MACROH2A2: variants seen among roughly 807,000 people sequenced by gnomAD.
The protein encoded by MACROH2A2 is core histone macro-H2A.2.
A neutral mutation model predicts 37.6 loss-of-function variants in MACROH2A2; 6 were observed. That is an observed-to-expected ratio of 0.16 (90% CI 0.09 to 0.32). The LOEUF (loss-of-function observed/expected upper bound fraction) is 0.32. Among genes scored for constraint, MACROH2A2 ranks in the 10% least tolerant of loss-of-function variants. MACROH2A2 has a pLI of 1.00. For synonymous variants in MACROH2A2, 192 were observed against 202.7 expected (o/e 0.95, Z 0.45); for missense variants, 290 against 485.9 (o/e 0.60, Z 3.79).
chr10:70,095,997 T>G (rs2072274415), intron 6 of MACROH2A2, among the ~76,000 whole-genome samples: 2 of 152,168 alleles, frequency 1.3e-5, no homozygotes, highest in Non-Finnish European at 2.9e-5. Context: ...GCTTGATGAA[T>G]TTTTCTCAAA....
chr10:70,106,635 A>G lies in MACROH2A2; in HGVS notation c.779-2398A>G, dbSNP rs1455554339. ...AACATGGTGAAACCCCATCTCTACTAAAAATACAAAAAATTAGCCGGGCAT... is the reference window on the plus strand; with the variant it reads ...AACATGGTGAAACCCCATCTCTACTGAAAATACAAAAAATTAGCCGGGCAT... On this transcript the variant is annotated intron_variant, in intron 7 of 8. Coordinates refer to ENST00000373255, the MANE Select transcript of MACROH2A2 (RefSeq NM_018649.3). Among the ~76,000 whole-genome samples the G allele has an allele frequency of 2.0e-5, 3 of 151,974 alleles. No homozygotes were observed. The East Asian group carries it at 5.8e-4, about 29-fold the overall frequency.
intron 2 of MACROH2A2, among the ~76,000 whole-genome samples, chr10:70,077,613 C>T (rs1254204672): frequency 6.6e-6 from 1 of 152,046 alleles, no homozygotes; most frequent in Admixed American, 6.5e-5. Context: ...TGGCTCACGC[C>T]TGTAATCCCA....
At chr10:70,071,502 C>T (rs2072110036) in intron 1 of MACROH2A2, among the ~76,000 whole-genome samples, 1 of 152,152 alleles carries the variant, frequency 6.6e-6, no homozygotes, top group Non-Finnish European at 1.5e-5. Flanking sequence ...ACAGAGAAGG[C>T]CACTGAGGTC....
intron 1 of MACROH2A2, among the ~76,000 whole-genome samples, chr10:70,065,112 C>A (rs1294404873): frequency 6.6e-6 from 1 of 150,978 alleles, no homozygotes; most frequent in Non-Finnish European, 1.5e-5. Flanking sequence ...AGTGGCAGGA[C>A]CTTGGCTCAC....
At chr10:70,109,428 C>T (rs1212655729) in intron 8 of MACROH2A2, among the ~76,000 whole-genome samples, 2 of 152,158 alleles carry the variant, frequency 1.3e-5, no homozygotes, top group Non-Finnish European at 2.9e-5. Context: ...GGGGCCAGCC[C>T]CAGTGCCTCC....
chr10:70,109,597 G>A (rs1041594670), intron 8 of MACROH2A2, among the ~76,000 whole-genome samples: 2 of 152,234 alleles, frequency 1.3e-5, no homozygotes, highest in Non-Finnish European at 2.9e-5. Flanking sequence ...CAGGCTCGAA[G>A]GCCTTGCTAC....
intron 1 of MACROH2A2, among the ~76,000 whole-genome samples, chr10:70,062,834 G>A (rs537092254): frequency 6.6e-6 from 1 of 152,272 alleles, no homozygotes; most frequent in East Asian, 1.9e-4. Flanking sequence ...AACTGTAAGG[G>A]TACAAAGGCA....
chr10:70,085,179 T>C (rs563164083), intron 2 of MACROH2A2, among the ~76,000 whole-genome samples: 2 of 152,154 alleles, frequency 1.3e-5, no homozygotes, highest in South Asian at 4.2e-4. Flanking sequence ...GTAGGAGCCA[T>C]GTGTGGATGG....
Position 70,111,877 on chromosome 10 carries a change from C to T in MACROH2A2, c.*194C>T, listed in dbSNP as rs758710790. ...CCATCTGTAAGGAAGCAGGTCTCCG[C>T]GAGGGGTTTCTTTCCATGTGTTTTC... On this transcript the variant is annotated 3_prime_UTR_variant, in exon 9 of 9. Transcript: ENST00000373255. 6.1e-5 allele frequency: 25 copies of T among 408,390 alleles called. No individual in the cohort carries two copies. The highest frequency in any genetic ancestry group is 6.3e-4 in the Middle Eastern group (1 of 1,596). The allele number at this position is 408,390 out of a possible 1,614,324, so 25.3% of individuals were successfully genotyped here.
chr10:70,083,746 C>T (rs921023361), intron 2 of MACROH2A2, among the ~76,000 whole-genome samples: 4 of 149,830 alleles, frequency 2.7e-5, no homozygotes, highest in Non-Finnish European at 5.9e-5. Flanking sequence ...GGAGGGTGCA[C>T]AGTTCCGCAA....
chr10:70,055,808 A>G (rs1481664423), intron 1 of MACROH2A2, among the ~76,000 whole-genome samples: 1 of 152,206 alleles, frequency 6.6e-6, no homozygotes, highest in African/African-American at 2.4e-5. Context: ...AGAAGCAGGC[A>G]TCCGTGAGCT....
intron 7 of MACROH2A2, among the ~76,000 whole-genome samples, chr10:70,105,581 G>A (rs1424573991): frequency 1.3e-5 from 2 of 152,190 alleles, no homozygotes; most frequent in Non-Finnish European, 1.5e-5. Flanking sequence ...AGCCTGGGAG[G>A]ACTGCAGTAA....
intron 8 of MACROH2A2, among the ~76,000 whole-genome samples, chr10:70,109,758 A>C (rs984818596): frequency 9.9e-5 from 15 of 152,118 alleles, no homozygotes; most frequent in Non-Finnish European, 2.1e-4. Flanking sequence ...TGATGAATAC[A>C]CCCAGAGAAG....
intron 4 of MACROH2A2, among the ~76,000 whole-genome samples, chr10:70,093,271 G>A (rs1172496228): frequency 6.6e-6 from 1 of 152,184 alleles, no homozygotes; most frequent in Non-Finnish European, 1.5e-5. Context: ...ACATTATTGA[G>A]GATCAAGATG....
intron 4 of MACROH2A2, among the ~76,000 whole-genome samples, 164 bp downstream of exon 4, chr10:70,092,118 G>A (rs532410431): frequency 5.3e-5 from 8 of 152,274 alleles, no homozygotes; most frequent in East Asian, 1.9e-4. Flanking sequence ...CCTCACGAAT[G>A]GGAACAGTCC....
chr10:70,069,974 T>C (rs1172221363), intron 1 of MACROH2A2, among the ~76,000 whole-genome samples: 1 of 152,212 alleles, frequency 6.6e-6, no homozygotes, highest in East Asian at 1.9e-4. Flanking sequence ...CAGGGTCTTC[T>C]CTGGAGTGGC....
intron 1 of MACROH2A2, among the ~76,000 whole-genome samples, chr10:70,055,292 A>G (rs578011858): frequency 3.6e-4 from 55 of 152,266 alleles, no homozygotes; most frequent in Non-Finnish European, 6.8e-4. Context: ...TTAAGAAATA[A>G]CCTCCAAGTT....
chr10:70,091,808 C>T lies in MACROH2A2; in HGVS notation c.331C>T (p.Pro111Ser), dbSNP rs375774057. The change falls in exon 4 of 9, where the codon CCC (proline) becomes TCC (serine). Residue 111 changes from proline (P) to serine (S), a missense_variant. Physicochemically the swap from Pro to Ser is moderately conservative, Grantham distance 74. This residue lies in a region of MACROH2A2 where 83 missense variants were observed against 159.9 expected (regional missense o/e 0.52). Coordinates refer to ENST00000373255, the MANE Select transcript of MACROH2A2 (RefSeq NM_018649.3). ...ASGGVLPRIHPELLAKKRGTK... is the reference protein window; with the variant it reads ...ASGGVLPRIHSELLAKKRGTK... Reference sequence around the variant, plus strand: ...TGGAGGCGTCCTGCCCAGAATTCACCCCGAACTGCTGGCCAAAAAGCGAGG... The same window carrying T: ...TGGAGGCGTCCTGCCCAGAATTCACTCCGAACTGCTGGCCAAAAAGCGAGG... 9 of 1,613,990 alleles carry T rather than the reference C, an allele frequency of 5.6e-6. No individual in the cohort carries two copies. In the African/African-American group the frequency reaches 1.1e-4, roughly 19 times the overall value.
intron 8 of MACROH2A2, among the ~76,000 whole-genome samples, chr10:70,110,370 A>G (rs536634268): frequency 3.3e-5 from 5 of 152,182 alleles, no homozygotes; most frequent in African/African-American, 1.2e-4. Flanking sequence ...CTGAAATTAC[A>G]TGGGCCTGTG....
Sources: allele counts gnomAD v4.1 joint callset (sites outside exome capture counted in the v4.1 genomes callset), GRCh38; gene constraint gnomAD v4.1.1; regional missense constraint gnomAD v4.1.1; transcripts MANE v1.5; gene names NCBI Gene and HGNC (gene_info 2026-07-23, HGNC 2026-07-21).